Variants in SLCO5A1 observed in about 807,000 individuals in gnomAD.
The protein encoded by SLCO5A1 is organic anion transporter polypeptide-related protein 4.
SLCO5A1 carries 39 observed loss-of-function variants against 65.1 expected under a neutral mutation model. That is an observed-to-expected ratio of 0.60 (90% confidence interval 0.46 to 0.78). The LOEUF (loss-of-function observed/expected upper bound fraction) is 0.78. Among genes scored for constraint, SLCO5A1 ranks in the 30% least tolerant of loss-of-function variants. The pLI is 0.00. For missense variants in SLCO5A1, 1,029 were observed against 1,069.4 expected, an observed-to-expected ratio of 0.96 and a Z score of 0.53; for synonymous variants, 438 against 415.7, an observed-to-expected ratio of 1.05 and a Z score of -0.65.
chr8:69,755,718 T>C, intron 3 of SLCO5A1, 77 bp from the exon 4 acceptor site: 6 of 1,365,928 alleles, frequency 4.4e-6, no homozygotes, highest in Non-Finnish European at 6.0e-6. Context: ...AGCAGAAGTT[T>C]GTGGTGAAAA....
At chr8:69,735,977 G>GA (rs1816537097) in intron 5 of SLCO5A1, among the ~76,000 whole-genome samples, 1 of 152,068 alleles carries the variant, frequency 6.6e-6, no homozygotes, top group Non-Finnish European at 1.5e-5. Context: ...TATAAAGGAA[G>GA]AAAAAATATG....
intron 2 of SLCO5A1, among the ~76,000 whole-genome samples, chr8:69,831,246 C>T (rs183610776): frequency 1.4e-5 from 2 of 142,366 alleles, no homozygotes; most frequent in African/African-American, 5.3e-5. Context: ...GGTGACAGAG[C>T]AAGACTCCAT....
chr8:69,737,409 T>G (rs114037412), intron 5 of SLCO5A1, among the ~76,000 whole-genome samples: 3,140 of 152,300 alleles, frequency 0.021, 101 homozygotes, highest in African/African-American at 0.071. Context: ...AATATTACAT[T>G]ATATAATATA....
chr8:69,690,928 C>CAGTA (rs1182296230), intron 6 of SLCO5A1, among the ~76,000 whole-genome samples: 1 of 152,092 alleles, frequency 6.6e-6, no homozygotes, highest in Non-Finnish European at 1.5e-5. Flanking sequence ...TAGTCATAGA[C>CAGTA]AGTAAGTAAG....
chr8:69,829,759 T>C (rs944667240), intron 2 of SLCO5A1, among the ~76,000 whole-genome samples: 4 of 152,358 alleles, frequency 2.6e-5, no homozygotes, highest in African/African-American at 9.6e-5. Flanking sequence ...TATTAGGGAA[T>C]GATTATGAAC....
chr8:69,799,883 G>A (rs2130901751), intron 2 of SLCO5A1, among the ~76,000 whole-genome samples: 1 of 152,202 alleles, frequency 6.6e-6, no homozygotes, highest in South Asian at 2.1e-4. Flanking sequence ...GATTTGGGTG[G>A]GGACACAGCC....
intron 4 of SLCO5A1, 111 bp from the exon 5 acceptor site, chr8:69,738,315 C>T (rs1249940927): frequency 1.8e-5 from 17 of 948,812 alleles, no homozygotes; most frequent in Non-Finnish European, 2.5e-5. Flanking sequence ...CAACATTTGC[C>T]ACCAAGGAAT....
intron 4 of SLCO5A1, among the ~76,000 whole-genome samples, chr8:69,739,041 G>C (rs1453230436): frequency 6.6e-6 from 1 of 152,102 alleles, no homozygotes; most frequent in African/African-American, 2.4e-5. Context: ...CCATATAATG[G>C]AAAACTAGAC....
intron 2 of SLCO5A1, among the ~76,000 whole-genome samples, chr8:69,804,204 G>C (rs529946128): frequency 6.6e-6 from 1 of 152,206 alleles, no homozygotes; most frequent in East Asian, 1.9e-4. Context: ...TCAAGAAAGG[G>C]CATAAGATAA....
chr8:69,748,534 C>T (rs558418671), intron 4 of SLCO5A1, among the ~76,000 whole-genome samples: 2 of 152,254 alleles, frequency 1.3e-5, no homozygotes, highest in South Asian at 4.1e-4. Flanking sequence ...ACACAGAAAA[C>T]ATAAATAGAG....
At chr8:69,724,511 C>T (rs1459241828) in intron 5 of SLCO5A1, among the ~76,000 whole-genome samples, 1 of 152,116 alleles carries the variant, frequency 6.6e-6, no homozygotes, top group Non-Finnish European at 1.5e-5. Context: ...CTAACAGTAA[C>T]ATATCCAAAT....
intron 4 of SLCO5A1, among the ~76,000 whole-genome samples, chr8:69,739,386 T>G (rs892212526): frequency 1.3e-5 from 2 of 152,156 alleles, no homozygotes; most frequent in Non-Finnish European, 2.9e-5. Flanking sequence ...CTTAAACATC[T>G]GGGAAAAATA....
At chr8:69,693,351 A>G (rs1341619530) in intron 6 of SLCO5A1, among the ~76,000 whole-genome samples, 1 of 152,244 alleles carries the variant, frequency 6.6e-6, no homozygotes, top group African/African-American at 2.4e-5. Context: ...TCATTCTCCT[A>G]AAACATCCCA....
intron 2 of SLCO5A1, among the ~76,000 whole-genome samples, chr8:69,790,265 T>C (rs374699111): frequency 1.3e-5 from 2 of 151,308 alleles, no homozygotes; most frequent in Non-Finnish European, 2.9e-5. Flanking sequence ...AAGGGATGTA[T>C]ACCCCATTCT....
At chr8:69,757,958 T>C (rs1754161190) in intron 3 of SLCO5A1, among the ~76,000 whole-genome samples, 1 of 152,304 alleles carries the variant, frequency 6.6e-6, no homozygotes, top group East Asian at 1.9e-4. Flanking sequence ...CCTGGGTTTG[T>C]ATCCTGTCTT....
chr8:69,824,805 C>G (rs933426851), intron 2 of SLCO5A1, among the ~76,000 whole-genome samples: 1 of 152,284 alleles, frequency 6.6e-6, no homozygotes, highest in South Asian at 2.1e-4. Flanking sequence ...GATACCAAAG[C>G]CTGGCAGAGA....
rs73285567 is a variant in SLCO5A1 at position 69,739,874 on chromosome 8, A to G, written c.1259-1670T>C. Among the ~76,000 whole-genome samples the G allele has an allele frequency of 3.8e-3, 572 of 152,330 alleles. 5 individuals are homozygous for G. The highest frequency in any genetic ancestry group is 0.013 in the African/African-American group (526 of 41,580). On this transcript the variant is annotated intron_variant, in intron 4 of 9. Transcript: ENST00000260126. ...AGAACTTAGAAAGTTAAGATTACCT[A>G]TCAACATTTAAAGATTCAAATTAAG...
chr8:69,721,763 A>G (rs1815826539), intron 5 of SLCO5A1, among the ~76,000 whole-genome samples: 1 of 152,192 alleles, frequency 6.6e-6, no homozygotes. Flanking sequence ...ATTTTAGACT[A>G]ATTTTCCACC....
intron 3 of SLCO5A1, chr8:69,761,488 G>A (rs1194248459): frequency 2.5e-6 from 1 of 405,834 alleles, no homozygotes; most frequent in Non-Finnish European, 4.4e-6. Flanking sequence ...GCCCACCCAG[G>A]TCATCTAAAA....
Sources: allele counts gnomAD v4.1 joint callset (sites outside exome capture counted in the v4.1 genomes callset), GRCh38; gene constraint gnomAD v4.1.1; transcripts MANE v1.5; gene names NCBI Gene and HGNC (gene_info 2026-07-23, HGNC 2026-07-21).